Variants in PCDH17 observed in about 807,000 individuals in gnomAD.
The protein encoded by PCDH17 is protocadherin-17.
Under a neutral mutation model 67.7 loss-of-function variants are expected in PCDH17, and 21 were observed. The ratio of observed to expected loss-of-function variants is 0.31; its 90% CI spans 0.22 to 0.45. PCDH17 has a LOEUF of 0.45. PCDH17 is among the 20% of genes least tolerant of loss of function. The probability of loss-of-function intolerance (pLI) is 1.00; values close to 1 mark genes in which losing one functional copy is unlikely to be tolerated. For synonymous variants in PCDH17, 701 were observed against 656.7 expected (o/e 1.07, Z -1.03); for missense variants, 1,471 against 1,564.8 (o/e 0.94, Z 1.01).
chr13:57,651,368 T>G (rs937995188), intron 1 of PCDH17, among the ~76,000 whole-genome samples: 5 of 148,848 alleles, frequency 3.4e-5, no homozygotes, highest in African/African-American at 4.9e-5. Context: ...TTTTTTTTTT[T>G]TTTTTTTTTT....
chr13:57,674,216 C>T (rs556426415), intron 3 of PCDH17, among the ~76,000 whole-genome samples: 1 of 152,096 alleles, frequency 6.6e-6, no homozygotes, highest in East Asian at 1.9e-4. Context: ...TAAAAGCCCT[C>T]TCCTGCCTTA....
chr13:57,642,966 T>C (rs905013285), intron 1 of PCDH17, among the ~76,000 whole-genome samples: 2 of 151,650 alleles, frequency 1.3e-5, no homozygotes, highest in Non-Finnish European at 3.0e-5. Context: ...ACCCTTAATC[T>C]ACAACATTCT....
chr13:57,706,053 G>C (rs559087830), intron 3 of PCDH17, among the ~76,000 whole-genome samples: 1 of 151,054 alleles, frequency 6.6e-6, no homozygotes, highest in African/African-American at 2.4e-5. Context: ...TTCAATAGGT[G>C]TCAGAGAAAA....
chr13:57,719,322 A>G (rs1955853527), intron 3 of PCDH17, among the ~76,000 whole-genome samples: 1 of 152,032 alleles, frequency 6.6e-6, no homozygotes, highest in Non-Finnish European at 1.5e-5. Flanking sequence ...GACAATCATA[A>G]AGCACAGATA....
chr13:57,720,936 G>A (rs1955867301), intron 3 of PCDH17, among the ~76,000 whole-genome samples: 1 of 152,112 alleles, frequency 6.6e-6, no homozygotes, highest in African/African-American at 2.4e-5. Context: ...CAGGAGTATA[G>A]AAAGTGATTC....
intron 3 of PCDH17, among the ~76,000 whole-genome samples, chr13:57,705,637 A>T (rs1438273523): frequency 6.6e-6 from 1 of 152,166 alleles, no homozygotes; most frequent in African/African-American, 2.4e-5. Flanking sequence ...ATCCCTGGAG[A>T]TGATACCAAA....
chr13:57,717,584 T>G (rs1955830273), intron 3 of PCDH17, among the ~76,000 whole-genome samples: 1 of 151,966 alleles, frequency 6.6e-6, no homozygotes, highest in Non-Finnish European at 1.5e-5. Flanking sequence ...TGGATTCACT[T>G]GCTTATGATA....
chr13:57,670,178 T>C (rs1024149027), intron 3 of PCDH17, among the ~76,000 whole-genome samples: 6 of 151,980 alleles, frequency 3.9e-5, no homozygotes, highest in Non-Finnish European at 8.8e-5. Context: ...TCAGAAATAA[T>C]GTTAAAATGT....
chr13:57,693,342 A>ATATATATC (rs1413530017), intron 3 of PCDH17, among the ~76,000 whole-genome samples: 2 of 142,050 alleles, frequency 1.4e-5, no homozygotes, highest in African/African-American at 5.0e-5. Context: ...ATATATATAT[A>ATATATATC]TATCAAGGAG....
rs565053995 is a variant in PCDH17 at position 57,632,104 on chromosome 13, G to A, written c.-443G>A. 4 of 215,398 alleles carry A rather than the reference G, an allele frequency of 1.9e-5. No individual in the cohort carries two copies. The highest frequency in any genetic ancestry group is 3.7e-5 in the Non-Finnish European group (4 of 107,554). The allele number at this position is 215,398 out of a possible 1,614,324, so 13.3% of individuals were successfully genotyped here. A position where few individuals can be genotyped will look rare whatever the true frequency, so the allele number is the denominator to read the frequency against. ...GAAGAGTATTCCGGAGTCTCCGGGC[G>A]GGAGTAGATTTGCAGCACCCTAGCG... is the stretch of plus-strand genomic sequence containing the variant. On this transcript the variant is annotated 5_prime_UTR_variant, in exon 1 of 4. Transcript: ENST00000377918.
chr13:57,659,074 T>C (rs1022675835), intron 1 of PCDH17, among the ~76,000 whole-genome samples: 3 of 151,686 alleles, frequency 2.0e-5, no homozygotes, highest in African/African-American at 7.3e-5. Flanking sequence ...TAGCATAATA[T>C]TGGCTAATTA....
intron 1 of PCDH17, among the ~76,000 whole-genome samples, chr13:57,647,880 C>A (rs571612316): frequency 3.9e-5 from 6 of 151,900 alleles, no homozygotes; most frequent in African/African-American, 1.4e-4. Flanking sequence ...TTTTTTTAAC[C>A]TCTTGGTAAA....
chr13:57,642,695 T>G (rs143502409), intron 1 of PCDH17, among the ~76,000 whole-genome samples: 1 of 151,644 alleles, frequency 6.6e-6, no homozygotes, highest in African/African-American at 2.4e-5. Context: ...GCCTAAAATT[T>G]TCATGGTCTC....
chr13:57,690,119 C>T (rs1297260806), intron 3 of PCDH17, among the ~76,000 whole-genome samples: 1 of 148,920 alleles, frequency 6.7e-6, no homozygotes, highest in East Asian at 2.0e-4. Context: ...AAAGACAATA[C>T]TCTTAAGAAG....
At chr13:57,707,419 G>A (rs1359966629) in intron 3 of PCDH17, among the ~76,000 whole-genome samples, 1 of 150,610 alleles carries the variant, frequency 6.6e-6, no homozygotes, top group East Asian at 2.0e-4. Context: ...TTCTTTCTGA[G>A]CCCCCAGCAG....
intron 3 of PCDH17, among the ~76,000 whole-genome samples, chr13:57,698,383 T>G: frequency 6.6e-6 from 1 of 151,822 alleles, no homozygotes; most frequent in Non-Finnish European, 1.5e-5. Context: ...ATAGGAAAAT[T>G]GAGGCTAGAA....
chr13:57,706,445 A>G (rs1001599251), intron 3 of PCDH17, among the ~76,000 whole-genome samples: 1 of 152,092 alleles, frequency 6.6e-6, no homozygotes, highest in African/African-American at 2.4e-5. Flanking sequence ...TATATTTTGA[A>G]GTTTCTTTTT....
At chr13:57,712,648 C>T (rs1017618881) in intron 3 of PCDH17, among the ~76,000 whole-genome samples, 2 of 150,742 alleles carry the variant, frequency 1.3e-5, no homozygotes, top group Non-Finnish European at 3.0e-5. Flanking sequence ...CCTTTGGTAG[C>T]AACAAAAAAA....
At chr13:57,684,259 A>G in intron 3 of PCDH17, among the ~76,000 whole-genome samples, 1 of 151,886 alleles carries the variant, frequency 6.6e-6, no homozygotes. Flanking sequence ...TGTTCTTATG[A>G]GATGCAATTT....
Sources: gnomAD v4.1 joint callset for allele counts (sites outside exome capture counted in the v4.1 genomes callset) on GRCh38, gnomAD v4.1.1 for gene constraint, MANE v1.5 for transcripts, NCBI Gene and HGNC (gene_info 2026-07-23, HGNC 2026-07-21) for gene names.